Variants in CA12 observed in about 807,000 individuals in gnomAD.
CA12 encodes carbonic anhydrase 12, also known as carbonate dehydratase XII.
In CA12, 36 loss-of-function variants were observed where a neutral mutation model predicts 46.8. The observed-to-expected ratio is 0.77, with a 90% CI of 0.59 to 1.02. CA12 has a LOEUF of 1.02. Ranked by LOEUF, CA12 falls within the 50% of genes least tolerant of loss-of-function variation. The pLI is 0.00. For missense variants in CA12, 436 were observed against 451.4 expected, an observed-to-expected ratio of 0.97 and a Z score of 0.31; for synonymous variants, 202 against 187.0, an observed-to-expected ratio of 1.08 and a Z score of -0.65.
intron 2 of CA12, among the ~76,000 whole-genome samples, chr15:63,369,957 A>T (rs897791058): frequency 2.6e-5 from 4 of 152,212 alleles, no homozygotes; most frequent in African/African-American, 9.7e-5. Context: ...CCTCCAGGAT[A>T]CGCACAAACC....
intron 1 of CA12, among the ~76,000 whole-genome samples, chr15:63,377,144 G>A (rs2039588089): frequency 6.6e-6 from 1 of 152,164 alleles, no homozygotes; most frequent in Non-Finnish European, 1.5e-5. Flanking sequence ...GTGCTCTTGT[G>A]ACCCTGCCTG....
intron 1 of CA12, 35 bp downstream of exon 1, chr15:63,381,601 A>G (rs1323749817): frequency 1.3e-6 from 2 of 1,575,126 alleles, no homozygotes; most frequent in Non-Finnish European, 1.7e-6. Flanking sequence ...CTGAGCGCTC[A>G]GGAGTGTTAG....
Position 63,333,494 on chromosome 15 carries a change from C to T in CA12, c.874+5325G>A, listed in dbSNP as rs552833164. Among the ~76,000 whole-genome samples the T allele has an allele frequency of 4.6e-5, 7 of 152,332 alleles. No homozygotes were observed. The South Asian group carries it at 1.0e-3, about 23-fold the overall frequency. ...GGACCAATGCTCCTGACTGTTCGGC[C>T]TCTGACCCAGACCAGCGACTGAAGG... is the stretch of plus-strand genomic sequence containing the variant. On this transcript the variant is annotated intron_variant, in intron 8 of 10. Coordinates refer to ENST00000178638, the MANE Select transcript of CA12 (RefSeq NM_001218.5).
chr15:63,358,986 C>T (rs2039327234), intron 2 of CA12, among the ~76,000 whole-genome samples: 1 of 152,082 alleles, frequency 6.6e-6, no homozygotes, highest in Non-Finnish European at 1.5e-5. Context: ...TTGAATTGTC[C>T]TCCCGTTTCC....
In CA12 at chr15:63,321,804, T is replaced by C. The variant is rs1342736907; in HGVS notation, c.*4481A>G. ...TGCCTGCCACCCGAGCGCCATTCAC[T>C]CCCGACCGCGGGGACCTGGGGCACA... On this transcript the variant is annotated 3_prime_UTR_variant, in exon 11 of 11. Transcript: ENST00000178638. The surrounding 1 kb of genome is among the most constrained non-coding windows in gnomAD (Gnocchi z 4.5). 1 of 152,292 alleles carries C rather than the reference T, an allele frequency of 6.6e-6. No homozygotes were observed. Among genetic ancestry groups the C allele is most frequent in the African/African-American group, 2.4e-5 (1 of 41,426 alleles). The allele number at this position is 152,292 out of a possible 1,614,324, so 9.4% of individuals were successfully genotyped here. A position where few individuals can be genotyped will look rare whatever the true frequency, so the allele number is the denominator to read the frequency against.
In CA12 at chr15:63,345,519, G is replaced by T. The variant is rs556402575; in HGVS notation, c.387C>A (p.His129Gln). ...HLHWGNPNDPHGSEHTVSGQH... is the reference protein window; with the variant it reads ...HLHWGNPNDPQGSEHTVSGQH... ...GTCCGCTGACGGTGTGCTCAGAGCC[G>T]TGCGGGTCATTCGGGTTCCCCCAGT... Residue 129 changes from histidine (H) to glutamine (Q), a missense_variant, in exon 4 of 11, where the codon CAC becomes CAA. Physicochemically the swap from His to Gln is conservative, Grantham distance 24 (BLOSUM62 0). Coordinates refer to ENST00000178638, the MANE Select transcript of CA12 (RefSeq NM_001218.5). The surrounding 1 kb of genome is among the most constrained non-coding windows in gnomAD (Gnocchi z 4.3). 7.4e-6 allele frequency: 12 copies of T among 1,612,112 alleles called. No homozygotes were observed. Among genetic ancestry groups the T allele is most frequent in the Non-Finnish European group, 1.0e-5 (12 of 1,180,014 alleles).
chr15:63,331,489 G>A lies in CA12; in HGVS notation c.875-3359C>T, dbSNP rs1241356803. ...GACAGTAGAAATGGAGACAGGCTAG[G>A]TCACAGAGGTGGCCCACGAGAGGCA... is the stretch of plus-strand genomic sequence containing the variant. On this transcript the variant is annotated intron_variant, in intron 8 of 10. Coordinates refer to ENST00000178638, the MANE Select transcript of CA12 (RefSeq NM_001218.5). The surrounding 1 kb of genome is among the most constrained non-coding windows in gnomAD (Gnocchi z 5.3). Among the ~76,000 whole-genome samples, 2 of 152,204 alleles carry A rather than the reference G, an allele frequency of 1.3e-5. No individual in the cohort carries two copies. The highest frequency in any genetic ancestry group is 2.9e-5 in the Non-Finnish European group (2 of 68,032).
At position 63,325,225 on chromosome 15, in the gene CA12, A is replaced by G. The variant is rs1352495535; in HGVS notation, c.*1060T>C. On this transcript the variant is annotated 3_prime_UTR_variant, in exon 11 of 11. Coordinates refer to ENST00000178638, the MANE Select transcript of CA12 (RefSeq NM_001218.5). This position sits in a 1 kb window ranked among gnomAD's most constrained non-coding sequence, Gnocchi z 4.9. ...ATAAAAGTCTCCATTCCAGGTTGGC[A>G]GTAGGGATCCTGCAGAAGTGGCTGA... 1 of 152,228 alleles carries G rather than the reference A, an allele frequency of 6.6e-6. No homozygotes were observed. The highest frequency in any genetic ancestry group is 1.5e-5 in the Non-Finnish European group (1 of 68,034). The allele number at this position is 152,228 out of a possible 1,614,324, so 9.4% of individuals were successfully genotyped here.
intron 8 of CA12, among the ~76,000 whole-genome samples, chr15:63,337,878 A>G (rs1051067665): frequency 3.3e-5 from 5 of 152,164 alleles, no homozygotes; most frequent in Non-Finnish European, 1.5e-5. Flanking sequence ...ATCTTTAAAT[A>G]TGAACGCCAG....
At chr15:63,350,148 C>T (rs2039209934) in intron 2 of CA12, among the ~76,000 whole-genome samples, 1 of 152,198 alleles carries the variant, frequency 6.6e-6, no homozygotes, top group South Asian at 2.1e-4. Flanking sequence ...GTGTCCCCGC[C>T]TTGCATAGCT....
At chr15:63,326,980 G>T (rs545243324) in intron 10 of CA12, among the ~76,000 whole-genome samples, 169 bp downstream of exon 10, 2 of 152,226 alleles carry the variant, frequency 1.3e-5, no homozygotes, top group South Asian at 4.1e-4. Flanking sequence ...TCACATGTGC[G>T]TCTCATGCAA....
chr15:63,367,249 TAGA>T (rs2039448345), intron 2 of CA12, among the ~76,000 whole-genome samples: 3 of 152,194 alleles, frequency 2.0e-5, no homozygotes, highest in Non-Finnish European at 1.5e-5. Context: ...TTGCAGGTCA[TAGA>T]AGAATAGACA....
intron 2 of CA12, among the ~76,000 whole-genome samples, chr15:63,365,346 A>C (rs1394148944): frequency 6.6e-6 from 1 of 152,252 alleles, no homozygotes; most frequent in East Asian, 1.9e-4. Flanking sequence ...AGTGCAGGGC[A>C]CACAGTGCCT....
intron 1 of CA12, among the ~76,000 whole-genome samples, chr15:63,377,485 TTA>T (rs2039592054): frequency 7.3e-6 from 1 of 136,914 alleles, no homozygotes; most frequent in African/African-American, 3.3e-5. Context: ...GGCTTTTTTT[TTA>T]AAAAAAAGCC....
At chr15:63,375,756 T>C (rs1020382162) in intron 1 of CA12, 78 bp from the exon 2 acceptor site, 4 of 1,072,058 alleles carry the variant, frequency 3.7e-6, no homozygotes, top group Non-Finnish European at 5.6e-6. Flanking sequence ...TTTGTTTTGA[T>C]ATGAGCGAAA....
At chr15:63,381,402 T>C (rs2039643425) in intron 1 of CA12, among the ~76,000 whole-genome samples, 1 of 152,022 alleles carries the variant, frequency 6.6e-6, no homozygotes, top group South Asian at 2.1e-4. Context: ...TGCCCGGGAG[T>C]ACACGCAAAC....
chr15:63,343,082 T>A (rs2039102216), intron 4 of CA12, among the ~76,000 whole-genome samples: 1 of 152,096 alleles, frequency 6.6e-6, no homozygotes, highest in Non-Finnish European at 1.5e-5. Flanking sequence ...CCACACCATC[T>A]CGGCCTGGCA....
intron 2 of CA12, 77 bp from the exon 3 acceptor site, chr15:63,346,786 A>G (rs756708529): frequency 4.8e-6 from 7 of 1,464,150 alleles, no homozygotes; most frequent in African/African-American, 1.4e-5. Flanking sequence ...TCTCTGTTCA[A>G]TACAATTACT....
chr15:63,379,741 G>T (rs1278959798), intron 1 of CA12, among the ~76,000 whole-genome samples: 2 of 152,150 alleles, frequency 1.3e-5, no homozygotes, highest in Admixed American at 1.3e-4. Context: ...TCCTGTGCTG[G>T]GTGCTAGAAC....
Sources: gnomAD v4.1 joint callset for allele counts (sites outside exome capture counted in the v4.1 genomes callset) on GRCh38, gnomAD v4.1.1 for gene constraint, Gnocchi (gnomAD v3.1) non-coding constraint, MANE v1.5 for transcripts, NCBI Gene and HGNC (gene_info 2026-07-23, HGNC 2026-07-21) for gene names.